Variants in ATP13A4 observed in about 807,000 individuals in gnomAD.
ATP13A4 encodes the protein probable cation-transporting ATPase 13A4.
Under a neutral mutation model 142.5 loss-of-function variants are expected in ATP13A4, and 114 were observed. That is an observed-to-expected ratio of 0.80 (90% CI 0.69 to 0.93). ATP13A4 has a LOEUF of 0.93. Ranked by LOEUF, ATP13A4 falls within the 40% of genes least tolerant of loss-of-function variation. The pLI is 0.00. For synonymous variants in ATP13A4, 488 were observed against 514.8 expected, an observed-to-expected ratio of 0.95 and a Z score of 0.70; for missense variants, 1,392 against 1,454.0, an observed-to-expected ratio of 0.96 and a Z score of 0.69.
chr3:193,532,535 A>G (rs1722389428), intron 1 of ATP13A4, among the ~76,000 whole-genome samples: 1 of 151,676 alleles, frequency 6.6e-6, no homozygotes, highest in South Asian at 2.1e-4. Flanking sequence ...GATTTTTGGC[A>G]AGTGCTGAAA....
intron 23 of ATP13A4, among the ~76,000 whole-genome samples, chr3:193,437,114 A>AAAAAAC (rs1456756026): frequency 7.1e-6 from 1 of 140,886 alleles, no homozygotes; most frequent in Non-Finnish European, 1.5e-5. Context: ...AAAAAAAAAA[A>AAAAAAC]AAAAAAAACC....
intron 21 of ATP13A4, 65 bp from the exon 22 acceptor site, chr3:193,439,130 A>T (rs759042513): frequency 1.3e-4 from 197 of 1,470,630 alleles, no homozygotes; most frequent in Non-Finnish European, 1.8e-4. Flanking sequence ...TCTAATTAAA[A>T]AAACAAAGTA....
intron 1 of ATP13A4, among the ~76,000 whole-genome samples, chr3:193,529,671 T>G (rs1044922659): frequency 2.0e-5 from 3 of 152,204 alleles, no homozygotes; most frequent in Non-Finnish European, 4.4e-5. Context: ...TGCTTTCTTT[T>G]CATGATTTGT....
At chr3:193,570,772 G>A (rs2108741062) in intron 2 of ATP13A4, among the ~76,000 whole-genome samples, 1 of 152,294 alleles carries the variant, frequency 6.6e-6, no homozygotes, top group African/African-American at 2.4e-5. Flanking sequence ...TGTGTGGTCA[G>A]GGGAAATTAT....
intron 17 of ATP13A4, among the ~76,000 whole-genome samples, chr3:193,450,389 T>C (rs1306541613): frequency 2.0e-5 from 3 of 152,216 alleles, no homozygotes; most frequent in Non-Finnish European, 4.4e-5. Flanking sequence ...AGGTAATCTA[T>C]GGAAATTCCT....
intron 1 of ATP13A4, among the ~76,000 whole-genome samples, chr3:193,550,404 C>A (rs1723485684): frequency 6.6e-6 from 1 of 151,442 alleles, no homozygotes; most frequent in East Asian, 1.9e-4. Flanking sequence ...CCTCCTGGAC[C>A]AAAGCGAGCT....
chr3:193,510,428 T>C (rs1721082599), intron 2 of ATP13A4, among the ~76,000 whole-genome samples: 2 of 152,154 alleles, frequency 1.3e-5, no homozygotes, highest in Non-Finnish European at 1.5e-5. Flanking sequence ...ACGATGACAA[T>C]GAGGGGGAAA....
chr3:193,514,674 C>T lies in ATP13A4; in HGVS notation c.234+24G>A, dbSNP rs548725140. On this transcript the variant is annotated intron_variant, in intron 2 of 29. Coordinates refer to ENST00000342695, the MANE Select transcript of ATP13A4 (RefSeq NM_032279.4). ...TCCAGAAACAAAAGGGGGGCACCAG[C>T]GACATAACCAGGTACACACTTACCG... The T allele has an allele frequency of 4.0e-5, 64 of 1,593,898 alleles. No individual in the cohort carries two copies. In the South Asian group the frequency reaches 4.0e-4, roughly 10 times the overall value.
At chr3:193,471,037 C>A (rs905498783) in intron 8 of ATP13A4, 44 bp from the exon 9 acceptor site, 3 of 1,611,624 alleles carry the variant, frequency 1.9e-6, no homozygotes, top group Admixed American at 1.7e-5. Context: ...TATTTTCCCA[C>A]AAAAATACAA....
intron 16 of ATP13A4, among the ~76,000 whole-genome samples, chr3:193,454,694 T>C (rs906426471): frequency 2.6e-5 from 4 of 152,166 alleles, no homozygotes; most frequent in Non-Finnish European, 5.9e-5. Context: ...GACCCCTTCC[T>C]TACACCATAT....
At chr3:193,560,993 C>T (rs1560283318) in intron 2 of ATP13A4, among the ~76,000 whole-genome samples, 1 of 152,186 alleles carries the variant, frequency 6.6e-6, no homozygotes. Context: ...AAGCTCCAAT[C>T]AGAAACCTCG....
intron 1 of ATP13A4, among the ~76,000 whole-genome samples, chr3:193,538,807 A>G (rs967051138): frequency 6.6e-6 from 1 of 152,094 alleles, no homozygotes; most frequent in African/African-American, 2.4e-5. Context: ...TGTCTCTCAC[A>G]ACTATTCAGA....
At chr3:193,434,365 GT>G (rs1265937310) in intron 24 of ATP13A4, among the ~76,000 whole-genome samples, 1 of 152,156 alleles carries the variant, frequency 6.6e-6, no homozygotes, top group Non-Finnish European at 1.5e-5. Context: ...ATTCTTGAAT[GT>G]TTTTAGACAA....
intron 23 of ATP13A4, 45 bp downstream of exon 23, chr3:193,438,430 G>T (rs1716429705): frequency 6.9e-7 from 1 of 1,445,020 alleles, no homozygotes; most frequent in South Asian, 1.1e-5. Context: ...ATTTGCACCA[G>T]AAGTCAAGAG....
Position 193,537,379 on chromosome 3 carries a change from C to T in ATP13A4, c.60+17361G>A, listed in dbSNP as rs1390761325. The stretch of plus-strand genomic sequence containing the variant: ...AATGGCCATCAAGTAATTGGATATC[C>T]ATAGGCAAAAATGCCCTCAACTTAA... On this transcript the variant is annotated intron_variant, in intron 1 of 29. Transcript: ENST00000342695. Among the ~76,000 whole-genome samples the T allele has an allele frequency of 3.2e-4, 48 of 151,172 alleles. 1 individual carries two copies. The highest frequency in any genetic ancestry group is 3.1e-3 in the Admixed American group (47 of 15,224).
chr3:193,585,731 T>G (rs992921297), intron 1 of ATP13A4, among the ~76,000 whole-genome samples: 3 of 152,142 alleles, frequency 2.0e-5, no homozygotes, highest in Non-Finnish European at 4.4e-5. Context: ...TCCTTTCATT[T>G]TCTCACTGCT....
intron 16 of ATP13A4, 112 bp downstream of exon 16, chr3:193,456,888 C>T (rs928327905): frequency 1.5e-5 from 19 of 1,297,598 alleles, no homozygotes; most frequent in Non-Finnish European, 1.8e-5. Context: ...GCCAGTGAGC[C>T]ACCCAATTGG....
chr3:193,571,482 G>A (rs1724265122), intron 2 of ATP13A4, among the ~76,000 whole-genome samples: 1 of 152,068 alleles, frequency 6.6e-6, no homozygotes, highest in Admixed American at 6.6e-5. Context: ...ACAGTATGAG[G>A]GGTGAGGAGG....
intron 1 of ATP13A4, among the ~76,000 whole-genome samples, chr3:193,523,678 T>A (rs960843957): frequency 6.6e-6 from 1 of 152,254 alleles, no homozygotes; most frequent in Non-Finnish European, 1.5e-5. Context: ...GTGCTTCATC[T>A]GGTTATTCAT....
Sources: allele counts gnomAD v4.1 joint callset (sites outside exome capture counted in the v4.1 genomes callset), GRCh38; gene constraint gnomAD v4.1.1; transcripts MANE v1.5; gene names NCBI Gene and HGNC (gene_info 2026-07-23, HGNC 2026-07-21).